The following TENM3 variants were observed in gnomAD, a reference collection of about 807,000 sequenced individuals.
The protein encoded by TENM3 is teneurin transmembrane protein 3.
A neutral mutation model predicts 255.1 loss-of-function variants in TENM3; 63 were observed. That is an observed-to-expected ratio of 0.25 (90% confidence interval 0.20 to 0.30). The LOEUF (loss-of-function observed/expected upper bound fraction) is 0.30. TENM3 is among the 10% of genes least tolerant of loss of function. The pLI is 1.00. For missense variants in TENM3, 2,929 were observed against 3,461.1 expected, an observed-to-expected ratio of 0.85 and a Z score of 3.86; for synonymous variants, 1,306 against 1,322.3, an observed-to-expected ratio of 0.99 and a Z score of 0.27.
intron 13 of TENM3, among the ~76,000 whole-genome samples, chr4:182,724,248 A>G (rs900158876): frequency 2.0e-5 from 3 of 152,246 alleles, no homozygotes; most frequent in South Asian, 2.1e-4. Context: ...TGAAACTAAA[A>G]TGGAATCTCG....
the TENM3 span, among the ~76,000 whole-genome samples, chr4:181,756,284 A>T: frequency 6.6e-6 from 1 of 152,264 alleles, no homozygotes; most frequent in South Asian, 2.1e-4. Context: ...CATAAATAGG[A>T]AAAAAAGCAA....
At chr4:182,147,218 T>C (rs540431140) in intron 1 of TENM3, among the ~76,000 whole-genome samples, 11 of 152,200 alleles carry the variant, frequency 7.2e-5, no homozygotes, top group Non-Finnish European at 1.6e-4. Context: ...GTGGCTATCG[T>C]TGTGAGTAGA....
intron 22 of TENM3, among the ~76,000 whole-genome samples, chr4:182,764,374 G>A (rs1393954683): frequency 1.3e-5 from 2 of 152,206 alleles, no homozygotes; most frequent in Non-Finnish European, 2.9e-5. Flanking sequence ...CTGCTCTCAA[G>A]GAGCTCAGAG....
chr4:181,846,114 AG>A, the TENM3 span, among the ~76,000 whole-genome samples: 1 of 152,164 alleles, frequency 6.6e-6, no homozygotes, highest in Non-Finnish European at 1.5e-5. Context: ...ATATATTTCA[AG>A]GCCTCTTTCC....
chr4:182,265,874 C>T (rs893928270), intron 1 of TENM3, among the ~76,000 whole-genome samples: 2 of 152,156 alleles, frequency 1.3e-5, no homozygotes, highest in Non-Finnish European at 2.9e-5. Flanking sequence ...ATAAAAACAG[C>T]TTTAAAAATT....
the TENM3 span, among the ~76,000 whole-genome samples, chr4:181,934,485 T>A: frequency 6.6e-6 from 1 of 152,186 alleles, no homozygotes; most frequent in Non-Finnish European, 1.5e-5. Flanking sequence ...ATTTAATCGG[T>A]AGCAGTTCTA....
intron 3 of TENM3, among the ~76,000 whole-genome samples, chr4:182,397,598 G>A (rs186257507): frequency 1.3e-3 from 192 of 152,124 alleles, no homozygotes; most frequent in Middle Eastern, 6.8e-3. Flanking sequence ...CCCAGGCTGA[G>A]AAAGGTTAGA....
intron 3 of TENM3, among the ~76,000 whole-genome samples, chr4:182,543,762 A>ATT (rs577082994): frequency 6.7e-6 from 1 of 149,298 alleles, no homozygotes; most frequent in South Asian, 2.1e-4. Flanking sequence ...AGAAAAGTAT[A>ATT]TTTTTTTTTT....
chr4:182,752,600 C>G (rs550678089), intron 20 of TENM3, among the ~76,000 whole-genome samples: 148 of 152,236 alleles, frequency 9.7e-4, no homozygotes, highest in Non-Finnish European at 1.8e-3. Flanking sequence ...TATTATGGCA[C>G]TGAATACAAT....
At chr4:182,271,309 T>A (rs1759606755) in intron 1 of TENM3, among the ~76,000 whole-genome samples, 1 of 152,090 alleles carries the variant, frequency 6.6e-6, no homozygotes, top group Admixed American at 6.5e-5. Flanking sequence ...TTCCCTGAAA[T>A]TTAGTCTTTA....
intron 3 of TENM3, among the ~76,000 whole-genome samples, chr4:182,564,520 C>T (rs1325379388): frequency 4.0e-5 from 6 of 151,848 alleles, no homozygotes; most frequent in African/African-American, 7.2e-5. Context: ...TTCACCACAC[C>T]GAACATTCCC....
intron 1 of TENM3, among the ~76,000 whole-genome samples, chr4:182,230,811 A>AATATATATAT (rs1561221454): frequency 8.4e-5 from 5 of 59,248 alleles, no homozygotes; most frequent in South Asian, 1.4e-3. Flanking sequence ...AGTTTCTCAA[A>AATATATATAT]CTATATATAT....
At chr4:182,257,268 A>G (rs1254538124) in intron 1 of TENM3, among the ~76,000 whole-genome samples, 2 of 152,188 alleles carry the variant, frequency 1.3e-5, no homozygotes, top group African/African-American at 4.8e-5. Context: ...GCTTAATGGT[A>G]ATGTCTGCAT....
intron 3 of TENM3, among the ~76,000 whole-genome samples, chr4:182,502,724 C>T (rs762077560): frequency 4.0e-5 from 6 of 151,798 alleles, no homozygotes; most frequent in Non-Finnish European, 5.9e-5. Flanking sequence ...TTTTCTGTTC[C>T]CTGCATTATC....
At chr4:182,432,801 T>TG (rs1365243097) in intron 3 of TENM3, among the ~76,000 whole-genome samples, 2 of 140,804 alleles carry the variant, frequency 1.4e-5, no homozygotes, top group African/African-American at 5.2e-5. Flanking sequence ...CCAATGGCAC[T>TG]GGGGGGTCAT....
the TENM3 span, among the ~76,000 whole-genome samples, chr4:181,750,622 A>G: frequency 6.6e-6 from 1 of 152,146 alleles, no homozygotes; most frequent in African/African-American, 2.4e-5. Flanking sequence ...AATTAGCCCA[A>G]AATGTTTCCT....
the TENM3 span, among the ~76,000 whole-genome samples, chr4:181,676,853 A>G: frequency 2.6e-5 from 4 of 152,140 alleles, no homozygotes; most frequent in African/African-American, 9.7e-5. Flanking sequence ...TGCGATCCAG[A>G]TCATTCAATC....
chr4:182,718,380 C>T (rs557564544), intron 13 of TENM3, among the ~76,000 whole-genome samples: 1 of 152,114 alleles, frequency 6.6e-6, no homozygotes, highest in East Asian at 1.9e-4. Context: ...AACTCCACCA[C>T]AAAGAACACA....
At chr4:182,139,449 C>A (rs982647766), upstream of TENM3, among the ~76,000 whole-genome samples, 1 of 152,200 alleles carries the variant, frequency 6.6e-6, no homozygotes, top group Non-Finnish European at 1.5e-5. Flanking sequence ...CCTGAAATAT[C>A]TAACGGGTGT....
Sources: allele counts gnomAD v4.1 joint callset (sites outside exome capture counted in the v4.1 genomes callset), GRCh38; gene constraint gnomAD v4.1.1; transcripts MANE v1.5; gene names NCBI Gene and HGNC (gene_info 2026-07-23, HGNC 2026-07-21).